The following HS3ST5 variants were observed in gnomAD, a reference collection of about 807,000 sequenced individuals.
HS3ST5 encodes the protein heparan sulfate glucosamine 3-O-sulfotransferase 5.
HS3ST5 carries 10 observed loss-of-function variants against 25.4 expected under a neutral mutation model. The observed-to-expected ratio is 0.39, with a 90% CI of 0.24 to 0.67. The LOEUF is 0.67. Among genes scored for constraint, HS3ST5 ranks in the 30% least tolerant of loss-of-function variants. HS3ST5 has a pLI of 0.44. For synonymous variants in HS3ST5, 170 were observed against 162.4 expected (o/e 1.05, Z -0.36); for missense variants, 324 against 420.7 (o/e 0.77, Z 2.01).
chr6:114,330,305 A>G (rs992825049), intron 1 of HS3ST5, among the ~76,000 whole-genome samples: 1 of 152,184 alleles, frequency 6.6e-6, no homozygotes, highest in Admixed American at 6.5e-5. Flanking sequence ...CCTCCAATGC[A>G]TTCCTAAATG....
At chr6:114,208,790 A>G (rs911026988) in intron 2 of HS3ST5, among the ~76,000 whole-genome samples, 1 of 152,202 alleles carries the variant, frequency 6.6e-6, no homozygotes, top group Non-Finnish European at 1.5e-5. Context: ...GAAGGCGATG[A>G]TAATGCCTGC....
intron 1 of HS3ST5, among the ~76,000 whole-genome samples, chr6:114,305,706 C>T (rs930078269): frequency 3.3e-5 from 5 of 152,300 alleles, no homozygotes; most frequent in Admixed American, 2.0e-4. Flanking sequence ...CTTCTCTTCA[C>T]GTGAATATGT....
intron 3 of HS3ST5, among the ~76,000 whole-genome samples, chr6:114,072,932 G>T (rs1828741516): frequency 6.6e-6 from 1 of 152,164 alleles, no homozygotes; most frequent in African/African-American, 2.4e-5. Flanking sequence ...CATGGTACTG[G>T]TACCAAAACA....
At chr6:114,214,507 T>C (rs1797091431) in intron 2 of HS3ST5, among the ~76,000 whole-genome samples, 1 of 152,330 alleles carries the variant, frequency 6.6e-6, no homozygotes, top group African/African-American at 2.4e-5. Flanking sequence ...CTGTTGTAAG[T>C]TTCCCGTAAG....
intron 2 of HS3ST5, among the ~76,000 whole-genome samples, chr6:114,187,236 G>A (rs1304805593): frequency 2.6e-5 from 4 of 152,212 alleles, no homozygotes; most frequent in African/African-American, 9.6e-5. Flanking sequence ...GGCTATAGCT[G>A]CCATAGACAG....
intron 2 of HS3ST5, among the ~76,000 whole-genome samples, chr6:114,214,381 A>G (rs1197535366): frequency 6.6e-6 from 1 of 152,164 alleles, no homozygotes; most frequent in East Asian, 1.9e-4. Context: ...TAATTGTCAC[A>G]TCTCCTTAGT....
intron 3 of HS3ST5, among the ~76,000 whole-genome samples, chr6:114,080,792 A>G (rs1424182281): frequency 6.6e-6 from 1 of 152,180 alleles, no homozygotes; most frequent in African/African-American, 2.4e-5. Flanking sequence ...GGTAGGAGGG[A>G]GAGAAGGGGC....
intron 3 of HS3ST5, among the ~76,000 whole-genome samples, chr6:114,069,836 T>C (rs892011515): frequency 6.6e-5 from 10 of 152,112 alleles, no homozygotes; most frequent in African/African-American, 2.4e-4. Context: ...GGAGACTTTT[T>C]AAAAAATAAT....
chr6:114,178,730 T>C (rs1278572827), intron 2 of HS3ST5: 1 of 152,180 alleles, frequency 6.6e-6, no homozygotes, highest in Non-Finnish European at 1.5e-5. Context: ...GGTATACTTC[T>C]GTTTAGGCTA....
Position 114,291,683 on chromosome 6 carries a change from G to C in HS3ST5, c.-339+50512C>G, listed in dbSNP as rs140225025. Among the ~76,000 whole-genome samples the C allele has an allele frequency of 3.3e-3, 500 of 152,256 alleles. 2 individuals are homozygous for C. The highest frequency in any genetic ancestry group is 0.011 in the African/African-American group (470 of 41,558). ...TCTGATAAATGGATGGTGCCACCAG[G>C]AAAAAGATCTGAAATGTCAGTCCTG... On this transcript the variant is annotated intron_variant, in intron 1 of 4. Transcript: ENST00000312719.
intron 1 of HS3ST5, among the ~76,000 whole-genome samples, chr6:114,324,850 A>G (rs1488570391): frequency 1.3e-5 from 2 of 152,192 alleles, no homozygotes; most frequent in Non-Finnish European, 2.9e-5. Flanking sequence ...TAAGGTTTCT[A>G]GTGATTCCAA....
intron 3 of HS3ST5, among the ~76,000 whole-genome samples, chr6:114,167,054 T>C (rs552264853): frequency 6.6e-6 from 1 of 152,344 alleles, no homozygotes; most frequent in South Asian, 2.1e-4. Context: ...GGTGCGATCA[T>C]AGCTCATTGC....
chr6:114,326,594 AGT>A (rs1776185219), intron 1 of HS3ST5, among the ~76,000 whole-genome samples: 1 of 152,182 alleles, frequency 6.6e-6, no homozygotes, highest in Non-Finnish European at 1.5e-5. Flanking sequence ...AATTTTGGAA[AGT>A]TTTCTAGTTG....
At chr6:114,104,145 C>T (rs568825715) in intron 3 of HS3ST5, among the ~76,000 whole-genome samples, 55 of 152,190 alleles carry the variant, frequency 3.6e-4, no homozygotes, top group African/African-American at 1.3e-3. Flanking sequence ...AAAATCATGA[C>T]AGATAAGTGA....
intron 1 of HS3ST5, among the ~76,000 whole-genome samples, chr6:114,318,625 T>A (rs1486766076): frequency 6.6e-6 from 1 of 152,136 alleles, no homozygotes; most frequent in East Asian, 1.9e-4. Flanking sequence ...TCCTACCCCA[T>A]CTCCCTCTTG....
chr6:114,176,683 A>T (rs1582684019), intron 2 of HS3ST5, among the ~76,000 whole-genome samples: 2 of 152,062 alleles, frequency 1.3e-5, no homozygotes, highest in Non-Finnish European at 2.9e-5. Flanking sequence ...AAATGATTCT[A>T]AAAAAAACTA....
At chr6:114,100,740 T>C (rs950684235) in intron 3 of HS3ST5, among the ~76,000 whole-genome samples, 4 of 152,154 alleles carry the variant, frequency 2.6e-5, no homozygotes, top group Non-Finnish European at 4.4e-5. Flanking sequence ...GTGACAGTTG[T>C]TCTAAGGGGG....
rs577108214 is a variant in HS3ST5, at chr6:114,301,708, T to C, written c.-339+40487A>G. On this transcript the variant is annotated intron_variant, in intron 1 of 4. Transcript: ENST00000312719. ...CAGGGACACTGACACTCTCCTTAGCTCTCATCATCCATCTCCTGAAAAATC... is the reference window on the plus strand; with the variant it reads ...CAGGGACACTGACACTCTCCTTAGCCCTCATCATCCATCTCCTGAAAAATC... 3.7e-3 allele frequency among the ~76,000 whole-genome samples: 557 copies of C among 152,178 alleles called. 3 individuals carry two copies. Among genetic ancestry groups the C allele is most frequent in the Non-Finnish European group, 5.8e-3 (397 of 67,998 alleles).
intron 1 of HS3ST5, among the ~76,000 whole-genome samples, chr6:114,290,998 G>A (rs772615059): frequency 4.6e-5 from 7 of 151,976 alleles, no homozygotes; most frequent in African/African-American, 7.3e-5. Flanking sequence ...GCCCAATTCC[G>A]GGGAGTCGAC....
Sources: allele counts gnomAD v4.1 joint callset (sites outside exome capture counted in the v4.1 genomes callset), GRCh38; gene constraint gnomAD v4.1.1; transcripts MANE v1.5; gene names NCBI Gene and HGNC (gene_info 2026-07-23, HGNC 2026-07-21).